MROH1: variants seen among roughly 807,000 people sequenced by gnomAD.
MROH1 encodes maestro heat like repeat family member 1.
MROH1 carries 117 observed loss-of-function variants against 116.5 expected under a neutral mutation model. The ratio of observed to expected loss-of-function variants is 1.00; its 90% confidence interval spans 0.86 to 1.17. The LOEUF (loss-of-function observed/expected upper bound fraction) is 1.17, where lower values mean the gene tolerates loss of function less well. Ranked by LOEUF, MROH1 falls within the 50% of genes most tolerant of loss-of-function variation. MROH1 has a pLI of 0.00. For synonymous variants in MROH1, 921 were observed against 583.9 expected (o/e 1.58, Z -8.32); for missense variants, 1,873 against 1,338.5 (o/e 1.40, Z -6.23).
intron 42 of MROH1, 27 bp from the exon 43 acceptor site, chr8:144,261,257 G>A: frequency 1.4e-6 from 1 of 734,812 alleles, no homozygotes; most frequent in Non-Finnish European, 2.5e-6. Flanking sequence ...CCGCCCGGCA[G>A]CCCCGCCTGA....
intron 13 of MROH1, 84 bp downstream of exon 13, chr8:144,220,757 C>A: frequency 7.9e-7 from 1 of 1,264,166 alleles, no homozygotes; most frequent in South Asian, 1.3e-5. Context: ...TGAGATCACC[C>A]ACCAACCAGG....
chr8:144,253,278 G>A (rs1323924110), intron 33 of MROH1, among the ~76,000 whole-genome samples: 2 of 152,250 alleles, frequency 1.3e-5, no homozygotes, highest in Admixed American at 1.3e-4. Flanking sequence ...ACGTGAAAAT[G>A]ATAGGAAATC....
At chr8:144,220,234 A>AG (rs1296004296) in intron 12 of MROH1, among the ~76,000 whole-genome samples, 1 of 152,128 alleles carries the variant, frequency 6.6e-6, no homozygotes, top group Non-Finnish European at 1.5e-5. Flanking sequence ...CAGCGCCTGG[A>AG]GGGGGAGCAG....
At chr8:144,224,650 G>A (rs1554820286) in intron 14 of MROH1, among the ~76,000 whole-genome samples, 2 of 152,234 alleles carry the variant, frequency 1.3e-5, no homozygotes, top group Non-Finnish European at 2.9e-5. Flanking sequence ...GGGGTTCAGT[G>A]TATCGACCTT....
intron 38 of MROH1, 60 bp downstream of exon 38, chr8:144,260,117 AG>A (rs1844731145): frequency 2.7e-6 from 2 of 749,508 alleles, no homozygotes; most frequent in Non-Finnish European, 4.9e-6. Context: ...CTGTGCATGG[AG>A]GCCACCCTGT....
At chr8:144,191,448 CTG>C (rs1228966519) in intron 8 of MROH1, among the ~76,000 whole-genome samples, 1 of 152,192 alleles carries the variant, frequency 6.6e-6, no homozygotes, top group African/African-American at 2.4e-5. Context: ...GGCCTAGTCA[CTG>C]TGGGTTTTTC....
In MROH1 at chr8:144,260,778, C is replaced by T. The variant is rs990630282; in HGVS notation, c.4482C>T (p.Gly1494=). 1.7e-5 allele frequency: 13 copies of T among 778,468 alleles called. No individual in the cohort carries two copies. The highest frequency in any genetic ancestry group is 1.4e-4 in the Admixed American group (8 of 59,024). The allele number at this position is 778,468 out of a possible 1,614,324, so 48.2% of individuals were successfully genotyped here. The change falls in exon 40 of 44, where the codon GGC becomes GGT. Residue 1494 remains glycine (G), a synonymous_variant. Coordinates refer to ENST00000326134, the MANE Select transcript of MROH1 (RefSeq NM_032450.3). ...ACGTCTTCCTGGACCAGGTGGTGGG[C>T]GGGCTGGCGCCCCTGCTGCTGCACC... ...CEDVFLDQVV[G]GLAPLLLHLQ...
chr8:144,185,634 C>G (rs1826827733), intron 7 of MROH1, among the ~76,000 whole-genome samples: 1 of 370 alleles, frequency 2.7e-3, no homozygotes, highest in Non-Finnish European at 6.3e-3. Flanking sequence ...GCGGTGAGGG[C>G]CGGGGGGGGG....
intron 1 of MROH1, 94 bp from the exon 2 acceptor site, chr8:144,160,876 G>C (rs1248745366): frequency 6.5e-6 from 1 of 152,676 alleles, no homozygotes; most frequent in Non-Finnish European, 1.5e-5. Context: ...CCAGAACCCA[G>C]GCGCCGGGGG....
chr8:144,170,935 A>G (rs1289674308), intron 4 of MROH1, among the ~76,000 whole-genome samples: 1 of 152,242 alleles, frequency 6.6e-6, no homozygotes, highest in African/African-American at 2.4e-5. Flanking sequence ...GGATTTTCAA[A>G]TTCTGTGAGT....
intron 35 of MROH1, among the ~76,000 whole-genome samples, chr8:144,257,996 T>A (rs1052545806): frequency 2.3e-4 from 35 of 152,116 alleles, no homozygotes; most frequent in Admixed American, 4.6e-4. Flanking sequence ...ACCGTGCCTG[T>A]TGGGTCACAC....
At chr8:144,256,404 C>T (rs1843800558) in intron 35 of MROH1, among the ~76,000 whole-genome samples, 1 of 133,642 alleles carries the variant, frequency 7.5e-6, no homozygotes, top group African/African-American at 2.9e-5. Context: ...GCCCCTCCCC[C>T]TGCCCCCCTT....
At chr8:144,238,438 A>T (rs1208651393) in intron 14 of MROH1, among the ~76,000 whole-genome samples, 1 of 152,166 alleles carries the variant, frequency 6.6e-6, no homozygotes, top group Non-Finnish European at 1.5e-5. Context: ...GTTTTCTGAC[A>T]TGGGTAACGT....
rs955335355 is a variant in MROH1, at chr8:144,239,629, C to G, written c.1648C>G (p.Pro550Ala). 3.9e-6 allele frequency: 3 copies of G among 771,998 alleles called. No homozygotes were observed. The highest frequency in any genetic ancestry group is 4.8e-6 in the Non-Finnish European group (2 of 414,358). 47.8% of individuals were successfully genotyped at this position (771,998 alleles called of 1,614,324 possible). A position where few individuals can be genotyped will look rare whatever the true frequency, so the allele number is the denominator to read the frequency against. ...TGRLLVVSSS[P>A]YLGDGRGAAA... is the part of the protein sequence containing the mutation. ...CTCTTTTCAGGTTGTGTCTTCCAGCCCCTACCTAGGGGACGGACGTGGGGC... is the reference window on the plus strand; with the variant it reads ...CTCTTTTCAGGTTGTGTCTTCCAGCGCCTACCTAGGGGACGGACGTGGGGC... Residue 550 changes from proline (P) to alanine (A), a missense_variant, in exon 18 of 44, where the codon CCC (proline) becomes GCC (alanine). By Grantham distance (27) the Pro-to-Ala change is conservative. Transcript: ENST00000326134.
intron 33 of MROH1, 156 bp from the exon 34 acceptor site, chr8:144,254,657 A>G (rs1215516284): frequency 1.2e-5 from 7 of 600,744 alleles, no homozygotes; most frequent in African/African-American, 7.4e-5. Flanking sequence ...GGGTGAGCTC[A>G]GATCTGAGGC....
intron 9 of MROH1, among the ~76,000 whole-genome samples, 178 bp from the exon 10 acceptor site, chr8:144,192,131 C>A (rs370903882): frequency 8.5e-5 from 13 of 152,228 alleles, no homozygotes; most frequent in African/African-American, 3.1e-4. Flanking sequence ...CCCCACCCTC[C>A]TCCCTGGCTC....
At chr8:144,222,152 A>T (rs537839956) in intron 13 of MROH1, among the ~76,000 whole-genome samples, 1 of 151,734 alleles carries the variant, frequency 6.6e-6, no homozygotes, top group South Asian at 2.1e-4. Flanking sequence ...CCACCCCCTG[A>T]GGCCAGGGTG....
At chr8:144,258,629 C>T (rs1021191010) in intron 35 of MROH1, 148 bp from the exon 36 acceptor site, 6 of 661,532 alleles carry the variant, frequency 9.1e-6, no homozygotes, top group Non-Finnish European at 1.7e-5. Flanking sequence ...GCAGATGGCC[C>T]AGAGCCTGCT....
At chr8:144,191,615 C>T (rs1414449362) in intron 8 of MROH1, 100 bp from the exon 9 acceptor site, 1 of 1,463,270 alleles carries the variant, frequency 6.8e-7, no homozygotes, top group Non-Finnish European at 9.2e-7. Context: ...ACTGGTAGCC[C>T]AGTGTTCGTT....
Sources: allele counts gnomAD v4.1 joint callset (sites outside exome capture counted in the v4.1 genomes callset), GRCh38; gene constraint gnomAD v4.1.1; transcripts MANE v1.5; gene names NCBI Gene and HGNC (gene_info 2026-07-23, HGNC 2026-07-21).